Variants in TVP23A observed in about 807,000 individuals in gnomAD.
TVP23A encodes the protein trans-golgi network vesicle protein 23 homolog A, also known as Golgi apparatus membrane protein TVP23 homolog A.
Under a neutral mutation model 31.7 loss-of-function variants are expected in TVP23A, and 21 were observed. The observed-to-expected ratio is 0.66, with a 90% CI of 0.47 to 0.95. The LOEUF (loss-of-function observed/expected upper bound fraction) is 0.95. Ranked by LOEUF, TVP23A falls within the 40% of genes least tolerant of loss-of-function variation. The pLI, the probability that TVP23A is intolerant of heterozygous loss-of-function variation, is 0.00. For missense variants in TVP23A, 279 were observed against 255.6 expected, an observed-to-expected ratio of 1.09 and a Z score of -0.62; for synonymous variants, 104 against 96.0, an observed-to-expected ratio of 1.08 and a Z score of -0.49.
intron 2 of TVP23A, among the ~76,000 whole-genome samples, chr16:10,802,675 T>G (rs2142998353): frequency 6.6e-6 from 1 of 152,320 alleles, no homozygotes; most frequent in African/African-American, 2.4e-5. Context: ...AAAAAGTTTT[T>G]TTTAAGTTAT....
At chr16:10,801,462 GTCT>G (rs1021177353) in intron 2 of TVP23A, among the ~76,000 whole-genome samples, 5 of 152,020 alleles carry the variant, frequency 3.3e-5, no homozygotes, top group African/African-American at 9.7e-5. Context: ...CCTGGATTGA[GTCT>G]TCTTTTTTTT....
intron 2 of TVP23A, among the ~76,000 whole-genome samples, chr16:10,794,273 AT>A (rs1229329449): frequency 6.6e-6 from 1 of 152,166 alleles, no homozygotes; most frequent in Non-Finnish European, 1.5e-5. Context: ...AACAGTGGCA[AT>A]TCTTGGCATT....
chr16:10,801,488 G>C (rs771913077), intron 2 of TVP23A, among the ~76,000 whole-genome samples: 1 of 151,518 alleles, frequency 6.6e-6, no homozygotes, highest in African/African-American at 2.4e-5. Context: ...CCTGAGTCTC[G>C]CTCTGTCACC....
chr16:10,807,992 T>C (rs1044729546), intron 2 of TVP23A, among the ~76,000 whole-genome samples: 2 of 152,160 alleles, frequency 1.3e-5, no homozygotes, highest in Non-Finnish European at 2.9e-5. Flanking sequence ...GGATTACAGG[T>C]GCATGCCACC....
At chr16:10,757,846 G>A (rs777214074), downstream of TVP23A, 2 of 1,601,132 alleles carry the variant, frequency 1.2e-6, no homozygotes, top group Non-Finnish European at 8.5e-7. The surrounding 1 kb of genome is among the most constrained non-coding windows in gnomAD (Gnocchi z 4.1). Flanking sequence ...GGAAAAGTAA[G>A]CATCCCCTGT....
downstream of TVP23A, among the ~76,000 whole-genome samples, chr16:10,764,356 A>C (rs1177178030): frequency 6.6e-6 from 1 of 151,888 alleles, no homozygotes; most frequent in African/African-American, 2.4e-5. Flanking sequence ...GGAGCATCTC[A>C]GTCTGCTGGA....
intron 6 of TVP23A, among the ~76,000 whole-genome samples, chr16:10,771,169 G>A (rs536211385): frequency 7.0e-4 from 106 of 152,186 alleles, no homozygotes; most frequent in African/African-American, 2.4e-3. Context: ...ACAATAAAGT[G>A]GTTATACTTA....
At chr16:10,757,765 C>G (rs911978224), downstream of TVP23A, 2 of 1,405,414 alleles carry the variant, frequency 1.4e-6, no homozygotes, top group African/African-American at 1.4e-5. The surrounding 1 kb of genome is among the most constrained non-coding windows in gnomAD (Gnocchi z 4.1). Flanking sequence ...GAGTTAAGAG[C>G]CAACCTGGGC....
intron 2 of TVP23A, among the ~76,000 whole-genome samples, chr16:10,782,921 T>C (rs2032510713): frequency 6.6e-6 from 1 of 152,072 alleles, no homozygotes; most frequent in Non-Finnish European, 1.5e-5. Flanking sequence ...AACTTGGTGA[T>C]GACATTAGGC....
chr16:10,772,917 C>G (rs1175087322), intron 5 of TVP23A, among the ~76,000 whole-genome samples: 2 of 152,196 alleles, frequency 1.3e-5, no homozygotes, highest in African/African-American at 2.4e-5. Flanking sequence ...AGGTCTCACT[C>G]TAGCACCCAG....
downstream of TVP23A, chr16:10,763,848 G>C (rs1423596667): frequency 6.1e-6 from 1 of 163,870 alleles, no homozygotes; most frequent in Non-Finnish European, 1.3e-5. Context: ...GAGCATCACG[G>C]CCCATAGGAG....
chr16:10,818,534 CCAG>C lies in TVP23A; in HGVS notation c.-44_-42del, dbSNP rs1567325870. ...CCACCTGGCGCCCAGGCCCGGGGCT[CCAG>C]CTCCGCCCGTCGCCGCTGAAGGGGT... On this transcript the variant is annotated 5_prime_UTR_variant, in exon 1 of 8. Coordinates refer to ENST00000299866, the MANE Select transcript of TVP23A (RefSeq NM_001079512.4). This position sits in a 1 kb window ranked among gnomAD's most constrained non-coding sequence, Gnocchi z 4.7. The C allele has an allele frequency of 6.3e-7, 1 of 1,593,488 alleles. No individual in the cohort carries two copies. Among genetic ancestry groups the C allele is most frequent in the South Asian group, 1.1e-5 (1 of 88,772 alleles).
chr16:10,798,162 T>C (rs1475552686), intron 2 of TVP23A, among the ~76,000 whole-genome samples: 4 of 151,846 alleles, frequency 2.6e-5, no homozygotes, highest in Non-Finnish European at 4.4e-5. Context: ...GGTTTCACCA[T>C]GTTAGCCAGG....
intron 2 of TVP23A, among the ~76,000 whole-genome samples, chr16:10,816,782 G>GT (rs2034458057): frequency 6.6e-6 from 1 of 151,922 alleles, no homozygotes; most frequent in South Asian, 2.1e-4. Flanking sequence ...TAAATGACGA[G>GT]TTAATGGGTG....
chr16:10,815,242 A>C (rs2034386577), intron 2 of TVP23A, among the ~76,000 whole-genome samples: 1 of 152,038 alleles, frequency 6.6e-6, no homozygotes, highest in Non-Finnish European at 1.5e-5. Flanking sequence ...CTAAAACAAA[A>C]CAAAACAAAA....
chr16:10,797,959 T>A (rs530862462), intron 2 of TVP23A, among the ~76,000 whole-genome samples: 1 of 145,900 alleles, frequency 6.9e-6, no homozygotes, highest in Admixed American at 6.8e-5. Flanking sequence ...CTTTTTCTTT[T>A]TTTTTTTTTT....
At chr16:10,776,603 TCCAG>T (rs1567282446) in intron 2 of TVP23A, among the ~76,000 whole-genome samples, 2 of 152,090 alleles carry the variant, frequency 1.3e-5, no homozygotes, top group Non-Finnish European at 1.5e-5. Flanking sequence ...GGGTTTCAGA[TCCAG>T]ACCCCAAGAG....
At chr16:10,796,559 A>G (rs1426865471) in intron 2 of TVP23A, among the ~76,000 whole-genome samples, 1 of 151,968 alleles carries the variant, frequency 6.6e-6, no homozygotes, top group East Asian at 1.9e-4. Flanking sequence ...CAGCCTCCCA[A>G]GTAGCTGGGA....
At chr16:10,806,668 A>AT (rs1299540745) in intron 2 of TVP23A, among the ~76,000 whole-genome samples, 2 of 151,880 alleles carry the variant, frequency 1.3e-5, no homozygotes, top group Admixed American at 6.6e-5. Context: ...CGTCCAGCTG[A>AT]TTTTTTGTAT....
Sources: gnomAD v4.1 joint callset for allele counts (sites outside exome capture counted in the v4.1 genomes callset) on GRCh38, gnomAD v4.1.1 for gene constraint, Gnocchi (gnomAD v3.1) non-coding constraint, MANE v1.5 for transcripts, NCBI Gene and HGNC (gene_info 2026-07-23, HGNC 2026-07-21) for gene names.